Variants in SGCG observed in about 807,000 individuals in gnomAD.
SGCG encodes the protein gamma-sarcoglycan.
A neutral mutation model predicts 29.3 loss-of-function variants in SGCG; 26 were observed. The observed-to-expected ratio is 0.89, with a 90% CI of 0.65 to 1.23. The LOEUF is 1.23. Among genes scored for constraint, SGCG ranks in the 50% most tolerant of loss-of-function variants. The probability of loss-of-function intolerance (pLI) is 0.00; values close to 1 mark genes in which losing one functional copy is unlikely to be tolerated. For missense variants in SGCG, 353 were observed against 356.0 expected, an observed-to-expected ratio of 0.99 and a Z score of 0.07; for synonymous variants, 145 against 129.7, an observed-to-expected ratio of 1.12 and a Z score of -0.80.
intron 3 of SGCG, among the ~76,000 whole-genome samples, chr13:23,235,611 A>G (rs73435026): frequency 0.011 from 1,742 of 152,306 alleles, 28 homozygotes; most frequent in African/African-American, 0.039. Flanking sequence ...AATATGTTCT[A>G]TTTTTACTTA....
intron 6 of SGCG, among the ~76,000 whole-genome samples, chr13:23,300,345 T>C (rs1882104335): frequency 1.3e-5 from 2 of 152,166 alleles, no homozygotes; most frequent in Non-Finnish European, 2.9e-5. Flanking sequence ...GAGGAAGAGT[T>C]AAGCTAAGCT....
intron 4 of SGCG, among the ~76,000 whole-genome samples, chr13:23,275,043 G>A (rs1881015384): frequency 6.7e-6 from 1 of 150,234 alleles, no homozygotes; most frequent in African/African-American, 2.4e-5. Context: ...AATGAAGAGA[G>A]GAATGAATAA....
At chr13:23,289,315 C>G (rs9578577) in intron 5 of SGCG, among the ~76,000 whole-genome samples, 96,921 of 152,084 alleles carry the variant, frequency 0.64, 32,597 homozygotes, top group Middle Eastern at 0.84. Context: ...CATAGGAAGG[C>G]TGGGGAAAGG....
At chr13:23,183,552 A>G (rs375967880) in intron 1 of SGCG, among the ~76,000 whole-genome samples, 16 of 152,256 alleles carry the variant, frequency 1.1e-4, no homozygotes, top group African/African-American at 3.6e-4. Flanking sequence ...GCCTATCCCT[A>G]GTGGTAAGGT....
At chr13:23,160,983 G>A in the SGCG span, among the ~76,000 whole-genome samples, 4 of 152,244 alleles carry the variant, frequency 2.6e-5, no homozygotes, top group African/African-American at 4.8e-5. Context: ...TGTGTGTGGT[G>A]TGAGAGAATC....
chr13:23,281,231 T>C (rs1008771695), intron 5 of SGCG, among the ~76,000 whole-genome samples: 2 of 151,894 alleles, frequency 1.3e-5, no homozygotes, highest in African/African-American at 4.8e-5. Flanking sequence ...TCCCAGCTAC[T>C]TGGGAGGCTG....
intron 6 of SGCG, among the ~76,000 whole-genome samples, chr13:23,314,161 A>G (rs919908353): frequency 8.7e-6 from 1 of 115,468 alleles, no homozygotes; most frequent in Non-Finnish European, 2.0e-5. Context: ...AGCTATATAT[A>G]TAGAGTTTTG....
chr13:23,287,441 G>A (rs925429698), intron 5 of SGCG, among the ~76,000 whole-genome samples: 1 of 152,166 alleles, frequency 6.6e-6, no homozygotes, highest in African/African-American at 2.4e-5. Flanking sequence ...GACACAGAAG[G>A]TAGAGTCTGG....
At chr13:23,284,493 T>G (rs1238037578) in intron 5 of SGCG, among the ~76,000 whole-genome samples, 2 of 152,182 alleles carry the variant, frequency 1.3e-5, no homozygotes, top group Non-Finnish European at 2.9e-5. Flanking sequence ...GTTATTCTAG[T>G]AGCAACTCCT....
chr13:23,235,153 G>A (rs1309777432), intron 3 of SGCG, among the ~76,000 whole-genome samples: 3 of 152,180 alleles, frequency 2.0e-5, no homozygotes, highest in Non-Finnish European at 4.4e-5. Context: ...CGGATCACCT[G>A]AGGTGGGGCC....
At chr13:23,185,426 G>A (rs1025086321) in intron 1 of SGCG, among the ~76,000 whole-genome samples, 5 of 152,166 alleles carry the variant, frequency 3.3e-5, no homozygotes, top group Non-Finnish European at 7.3e-5. Context: ...TCCTGACCTC[G>A]TGATCTGCTC....
intron 4 of SGCG, among the ~76,000 whole-genome samples, chr13:23,271,841 A>G (rs1175039364): frequency 6.6e-6 from 1 of 152,186 alleles, no homozygotes; most frequent in African/African-American, 2.4e-5. Flanking sequence ...TGTCTTTCAG[A>G]AGTATTACAA....
Position 23,324,720 on chromosome 13 carries a change from AT to A in SGCG, c.*180del, listed in dbSNP as rs1412882151. 1.6e-6 allele frequency: 1 copy of A among 625,772 alleles called. No homozygotes were observed. The highest frequency in any genetic ancestry group is 1.8e-5 in the African/African-American group (1 of 54,538). 38.8% of individuals were successfully genotyped at this position (625,772 alleles called of 1,614,324 possible). A position where few individuals can be genotyped will look rare whatever the true frequency, so the allele number is the denominator to read the frequency against. On this transcript the variant is annotated 3_prime_UTR_variant, in exon 8 of 8. Coordinates refer to ENST00000218867, the MANE Select transcript of SGCG (RefSeq NM_000231.3). The stretch of plus-strand genomic sequence containing the variant: ...TGGACAAAAACTACATGATCTCAAA[AT>A]GCACGTGGATGTGAGACACAAAAGT...
intron 4 of SGCG, among the ~76,000 whole-genome samples, chr13:23,274,658 G>A (rs1442598868): frequency 1.3e-5 from 2 of 152,086 alleles, no homozygotes; most frequent in East Asian, 1.9e-4. Flanking sequence ...TCCTGACCTC[G>A]TGATCCACCG....
chr13:23,207,629 A>G (rs184517937), intron 2 of SGCG, among the ~76,000 whole-genome samples: 132 of 152,306 alleles, frequency 8.7e-4, no homozygotes, highest in Non-Finnish European at 1.2e-3. Context: ...AAAAAGACAA[A>G]TAACCTGATT....
intron 2 of SGCG, among the ~76,000 whole-genome samples, chr13:23,220,049 G>T (rs1002897458): frequency 1.3e-5 from 2 of 151,714 alleles, no homozygotes. Context: ...CACCATGTTA[G>T]CCAGGATGGT....
chr13:23,277,772 C>T (rs1881142684), intron 4 of SGCG, among the ~76,000 whole-genome samples: 1 of 149,310 alleles, frequency 6.7e-6, no homozygotes, highest in South Asian at 2.1e-4. Flanking sequence ...GATCTCGGCT[C>T]ACTGCAAGCT....
At chr13:23,185,449 T>G (rs1273094416) in intron 1 of SGCG, among the ~76,000 whole-genome samples, 1 of 152,172 alleles carries the variant, frequency 6.6e-6, no homozygotes, top group African/African-American at 2.4e-5. Flanking sequence ...CTTGGCCTCC[T>G]AAAGTGCTGG....
chr13:23,289,262 C>T (rs937239810), intron 5 of SGCG, among the ~76,000 whole-genome samples: 5 of 152,116 alleles, frequency 3.3e-5, no homozygotes, highest in African/African-American at 1.2e-4. Flanking sequence ...AACAAGAGTC[C>T]CAATTAAAAC....
Sources: gnomAD v4.1 joint callset for allele counts (sites outside exome capture counted in the v4.1 genomes callset) on GRCh38, gnomAD v4.1.1 for gene constraint, MANE v1.5 for transcripts, NCBI Gene and HGNC (gene_info 2026-07-23, HGNC 2026-07-21) for gene names.